Variants in TRDN observed in about 807,000 individuals in gnomAD.
TRDN encodes triadin in skeletal muscle.
TRDN carries 161 observed loss-of-function variants against 149.7 expected under a neutral mutation model. That is an observed-to-expected ratio of 1.08 (90% confidence interval 0.95 to 1.23). The LOEUF (loss-of-function observed/expected upper bound fraction) is 1.23. TRDN is among the 50% of genes most tolerant of loss of function. The pLI, the probability that TRDN is intolerant of heterozygous loss-of-function variation, is 0.00. For synonymous variants in TRDN, 294 were observed against 250.5 expected (o/e 1.17, Z -1.64); for missense variants, 896 against 823.5 (o/e 1.09, Z -1.08).
At chr6:123,601,485 C>T (rs1784275618) in intron 1 of TRDN, among the ~76,000 whole-genome samples, 1 of 152,200 alleles carries the variant, frequency 6.6e-6, no homozygotes, top group South Asian at 2.1e-4. Flanking sequence ...TATTTTTTAA[C>T]ACTAAATCGA....
chr6:123,477,871 G>T (rs1215106742), intron 9 of TRDN, among the ~76,000 whole-genome samples: 1 of 147,574 alleles, frequency 6.8e-6, no homozygotes, highest in Admixed American at 6.9e-5. Flanking sequence ...AGATCACATG[G>T]ACACAGGAAG....
intron 24 of TRDN, among the ~76,000 whole-genome samples, chr6:123,300,164 C>T (rs1381480867): frequency 6.6e-6 from 1 of 151,854 alleles, no homozygotes; most frequent in Non-Finnish European, 1.5e-5. Context: ...TTACTACCAC[C>T]TTCCTGAGTT....
At chr6:123,499,719 A>AAAAAAAAAAAATATATATATATATATAT in intron 8 of TRDN, among the ~76,000 whole-genome samples, 4 of 47,678 alleles carry the variant, frequency 8.4e-5, no homozygotes, top group African/African-American at 1.4e-4. Context: ...AAAAAAAAAA[A>AAAAAAAAAAAATATATATATATATATAT]ATATATATAT....
In TRDN at chr6:123,381,380, G is replaced by C; in HGVS notation, c.1176C>G (p.Pro392=). ...CATGCATTTCCTTACTTTTTCCCTT[G>C]GGTTGTTCTACTGAAAGAAATACAA... The part of the protein sequence containing the change: ...KTKKPAEVEQ[P]KGKKQEKKEK... Residue 392 remains proline, a synonymous_variant, in exon 16 of 41, where the codon CCC becomes CCG. Coordinates refer to ENST00000334268, the MANE Select transcript of TRDN (RefSeq NM_006073.4). 6.4e-7 allele frequency: 1 copy of C among 1,556,800 alleles called. No homozygotes were observed. Among genetic ancestry groups the C allele is most frequent in the Non-Finnish European group, 8.7e-7 (1 of 1,149,340 alleles).
chr6:123,554,885 A>G (rs1180265272), intron 2 of TRDN, among the ~76,000 whole-genome samples: 1 of 152,200 alleles, frequency 6.6e-6, no homozygotes, highest in East Asian at 1.9e-4. Context: ...GTTTGGGCTC[A>G]AGGTCTGGCA....
intron 1 of TRDN, among the ~76,000 whole-genome samples, chr6:123,597,712 C>T (rs1197418100): frequency 6.6e-6 from 1 of 152,058 alleles, no homozygotes; most frequent in Non-Finnish European, 1.5e-5. Context: ...AAGATTATGA[C>T]TTGCTGAAGG....
At chr6:123,365,637 A>G (rs964772757) in intron 20 of TRDN, among the ~76,000 whole-genome samples, 1 of 152,184 alleles carries the variant, frequency 6.6e-6, no homozygotes, top group Non-Finnish European at 1.5e-5. Flanking sequence ...TTCCAAAGAC[A>G]TTGGCTACAT....
chr6:123,457,108 T>A (rs1776173604), intron 10 of TRDN, among the ~76,000 whole-genome samples: 1 of 152,224 alleles, frequency 6.6e-6, no homozygotes, highest in African/African-American at 2.4e-5. Flanking sequence ...AACTGTGTCA[T>A]CCTTCTTCTT....
intron 1 of TRDN, among the ~76,000 whole-genome samples, chr6:123,614,131 A>G (rs1231359746): frequency 2.0e-5 from 3 of 151,990 alleles, no homozygotes; most frequent in Non-Finnish European, 4.4e-5. Context: ...TCCCAGAACT[A>G]CTAAATCAGA....
At chr6:123,462,374 GTT>G (rs1376790811) in intron 10 of TRDN, 3 of 152,136 alleles carry the variant, frequency 2.0e-5, no homozygotes, top group Non-Finnish European at 4.4e-5. Flanking sequence ...TACTGTGCAA[GTT>G]TTGTTTCTTA....
intron 10 of TRDN, chr6:123,462,874 C>G (rs957620876): frequency 2.0e-5 from 3 of 152,140 alleles, no homozygotes; most frequent in African/African-American, 4.8e-5. Flanking sequence ...CAAGCCCTGA[C>G]AAAGCCCATG....
chr6:123,512,504 TAAAG>T (rs1779232255), intron 6 of TRDN, 142 bp from the exon 7 acceptor site: 4 of 511,084 alleles, frequency 7.8e-6, no homozygotes, highest in East Asian at 6.1e-5. Context: ...AATTCAGAAA[TAAAG>T]AGTTACCAGT....
intron 12 of TRDN, among the ~76,000 whole-genome samples, chr6:123,396,357 TAC>T (rs1213029933): frequency 1.3e-5 from 2 of 152,224 alleles, no homozygotes; most frequent in African/African-American, 4.8e-5. Context: ...CTGCCTCCAC[TAC>T]ACATATTCTA....
chr6:123,391,779 C>T (rs1772482381), intron 13 of TRDN, among the ~76,000 whole-genome samples: 1 of 151,942 alleles, frequency 6.6e-6, no homozygotes, highest in South Asian at 2.1e-4. Context: ...CTAATCTAGC[C>T]TTTTACCATG....
At chr6:123,498,975 A>G (rs1337805035) in intron 8 of TRDN, among the ~76,000 whole-genome samples, 1 of 152,176 alleles carries the variant, frequency 6.6e-6, no homozygotes, top group Non-Finnish European at 1.5e-5. Flanking sequence ...GGGCTCCATC[A>G]TCCAAAAAAA....
At chr6:123,497,276 G>T (rs1306385845) in intron 8 of TRDN, 24 bp from the exon 9 acceptor site, 6 of 1,475,776 alleles carry the variant, frequency 4.1e-6, no homozygotes, top group Non-Finnish European at 5.4e-6. Context: ...AAGAAAAAGA[G>T]CAATGAAAAA....
intron 24 of TRDN, among the ~76,000 whole-genome samples, chr6:123,288,347 C>A (rs757199076): frequency 6.6e-6 from 1 of 151,870 alleles, no homozygotes; most frequent in Non-Finnish European, 1.5e-5. Flanking sequence ...AGGTAGGACT[C>A]CAAAAGTACA....
intron 38 of TRDN, among the ~76,000 whole-genome samples, chr6:123,245,037 G>A (rs1462707956): frequency 1.3e-5 from 2 of 152,130 alleles, no homozygotes; most frequent in Admixed American, 1.3e-4. Flanking sequence ...TTACAGACAA[G>A]CAAATGCTGA....
chr6:123,329,120 T>A (rs1476609049), intron 23 of TRDN, among the ~76,000 whole-genome samples: 1 of 152,156 alleles, frequency 6.6e-6, no homozygotes, highest in Non-Finnish European at 1.5e-5. Flanking sequence ...TTGTCTCCAC[T>A]ACATGATTAC....
Sources: gnomAD v4.1 joint callset for allele counts (sites outside exome capture counted in the v4.1 genomes callset) on GRCh38, gnomAD v4.1.1 for gene constraint, MANE v1.5 for transcripts, NCBI Gene and HGNC (gene_info 2026-07-23, HGNC 2026-07-21) for gene names.